Variants in LPP observed in about 807,000 individuals in gnomAD.
The protein encoded by LPP is LIM domain containing preferred translocation partner in lipoma.
LPP carries 38 observed loss-of-function variants against 60.4 expected under a neutral mutation model. The observed-to-expected ratio is 0.63, with a 90% CI of 0.49 to 0.83. The LOEUF (loss-of-function observed/expected upper bound fraction) is 0.83. Among genes scored for constraint, LPP ranks in the 40% least tolerant of loss-of-function variants. The pLI, the probability that LPP is intolerant of heterozygous loss-of-function variation, is 0.00. For synonymous variants in LPP, 328 were observed against 290.8 expected (o/e 1.13, Z -1.30); for missense variants, 902 against 783.6 (o/e 1.15, Z -1.80).
At position 188,608,158 on chromosome 3, in the gene LPP, CCT is replaced by C. The variant is rs545868635; in HGVS notation, c.430-1002_430-1001del. Among the ~76,000 whole-genome samples, 309 of 152,222 alleles carry C rather than the reference CCT, an allele frequency of 2.0e-3. 1 individual carries two copies. The highest frequency in any genetic ancestry group is 7.3e-3 in the African/African-American group (305 of 41,530). Reference sequence around the variant, plus strand: ...GAGATAAGAACAGACAAGGTGCACCCCTGTGTGTCTGCCTTCTCTCTTGGAGC... The same window carrying C: ...GAGATAAGAACAGACAAGGTGCACCCGTGTGTCTGCCTTCTCTCTTGGAGC... On this transcript the variant is annotated intron_variant, in intron 6 of 11. Coordinates refer to ENST00000617246, the MANE Select transcript of LPP (RefSeq NM_001375462.1).
chr3:188,468,831 C>G (rs951710959), intron 4 of LPP, among the ~76,000 whole-genome samples: 1 of 152,138 alleles, frequency 6.6e-6, no homozygotes, highest in Non-Finnish European at 1.5e-5. Flanking sequence ...ATCCTTTGCA[C>G]TCCAGAATGA....
At chr3:188,702,275 T>A (rs1343691917) in intron 7 of LPP, among the ~76,000 whole-genome samples, 1 of 151,836 alleles carries the variant, frequency 6.6e-6, no homozygotes, top group Non-Finnish European at 1.5e-5. Context: ...AACAGTTTTT[T>A]AGATATACAT....
chr3:188,409,438 T>C (rs1043642637), intron 4 of LPP, among the ~76,000 whole-genome samples: 2 of 152,250 alleles, frequency 1.3e-5, no homozygotes, highest in Admixed American at 1.3e-4. Context: ...TTGTTGGAAG[T>C]AGATTTGCTT....
At chr3:188,843,581 A>G (rs1288292168) in intron 9 of LPP, among the ~76,000 whole-genome samples, 2 of 151,300 alleles carry the variant, frequency 1.3e-5, no homozygotes, top group African/African-American at 4.9e-5. Flanking sequence ...AGGTCAGGAG[A>G]TCGAGACCAT....
At chr3:188,408,862 C>A (rs941145225) in intron 4 of LPP, among the ~76,000 whole-genome samples, 1 of 151,870 alleles carries the variant, frequency 6.6e-6, no homozygotes, top group South Asian at 2.1e-4. Flanking sequence ...ATCCAGCATG[C>A]GGTACTGCCT....
At chr3:188,414,195 T>C (rs6769348) in intron 4 of LPP, among the ~76,000 whole-genome samples, 140,873 of 151,992 alleles carry the variant, frequency 0.93, 66,192 homozygotes, top group Non-Finnish European at 1. Flanking sequence ...ATTTTATAAC[T>C]TTACATATAA....
intron 9 of LPP, among the ~76,000 whole-genome samples, chr3:188,812,783 CT>C (rs1751393148): frequency 6.6e-6 from 1 of 151,930 alleles, no homozygotes; most frequent in Non-Finnish European, 1.5e-5. Context: ...CCCTCTCTCT[CT>C]CTCTCTCTCT....
intron 7 of LPP, among the ~76,000 whole-genome samples, chr3:188,618,867 T>C (rs1845324650): frequency 6.6e-6 from 1 of 152,150 alleles, no homozygotes; most frequent in African/African-American, 2.4e-5. Context: ...ACAAGAAGGA[T>C]AAGGTGTAAG....
chr3:188,334,422 CTTTTTTTTTTT>C (rs71167095), intron 2 of LPP, among the ~76,000 whole-genome samples: 14 of 98,676 alleles, frequency 1.4e-4, no homozygotes, highest in South Asian at 3.5e-4. Context: ...ATATTTCTTT[CTTTTTTTTTTT>C]TTTTTTTTTG....
chr3:188,848,363 G>C (rs1761974655), intron 9 of LPP, among the ~76,000 whole-genome samples: 1 of 152,162 alleles, frequency 6.6e-6, no homozygotes, highest in African/African-American at 2.4e-5. Flanking sequence ...GCATGGAATG[G>C]GTCCCTCTCT....
chr3:188,509,873 G>GTTTTTTTTTTTTTTTTTTTTT (rs35389820), intron 5 of LPP, among the ~76,000 whole-genome samples: 2 of 111,044 alleles, frequency 1.8e-5, no homozygotes, highest in Non-Finnish European at 3.4e-5. Flanking sequence ...TTTTTTTGTT[G>GTTTTTTTTTTTTTTTTTTTTT]TTTTTTTTTT....
chr3:188,711,167 G>C (rs529889930), intron 8 of LPP: 4 of 152,158 alleles, frequency 2.6e-5, no homozygotes, highest in African/African-American at 9.7e-5. Context: ...ACAATAGAAC[G>C]TATGTCACTG....
intron 5 of LPP, among the ~76,000 whole-genome samples, chr3:188,492,632 G>A (rs1034024643): frequency 3.9e-5 from 6 of 152,096 alleles, no homozygotes; most frequent in Non-Finnish European, 8.8e-5. Flanking sequence ...GTAGACAGAG[G>A]CTGCAGTGAG....
intron 2 of LPP, among the ~76,000 whole-genome samples, chr3:188,318,373 T>C (rs1755730323): frequency 6.6e-6 from 1 of 151,074 alleles, no homozygotes; most frequent in Non-Finnish European, 1.5e-5. Context: ...TCAGTACCTT[T>C]GTTGAAGAGA....
At chr3:188,789,958 A>G (rs1743157200) in intron 9 of LPP, among the ~76,000 whole-genome samples, 3 of 152,210 alleles carry the variant, frequency 2.0e-5, no homozygotes, top group Admixed American at 2.0e-4. Flanking sequence ...TGGGCTTGTG[A>G]TAGGAGTACA....
chr3:188,183,455 C>T (rs1381364843), intron 1 of LPP, among the ~76,000 whole-genome samples: 1 of 152,116 alleles, frequency 6.6e-6, no homozygotes, highest in East Asian at 1.9e-4. Flanking sequence ...TTTTCACTGT[C>T]CCCTCTGTAT....
intron 4 of LPP, among the ~76,000 whole-genome samples, chr3:188,481,844 A>G (rs1804867946): frequency 6.6e-6 from 1 of 152,186 alleles, no homozygotes; most frequent in Non-Finnish European, 1.5e-5. Context: ...ATTTCCCATG[A>G]TGTAACAGAA....
At chr3:188,384,985 C>T (rs1218079203) in intron 3 of LPP, among the ~76,000 whole-genome samples, 1 of 151,518 alleles carries the variant, frequency 6.6e-6, no homozygotes, top group African/African-American at 2.4e-5. Flanking sequence ...CAGTACCCAG[C>T]CTTTCTTGTC....
intron 2 of LPP, among the ~76,000 whole-genome samples, chr3:188,268,538 G>A (rs761372131): frequency 9.2e-5 from 14 of 152,230 alleles, no homozygotes; most frequent in Non-Finnish European, 1.8e-4. Flanking sequence ...ATTTGAATAG[G>A]TTTGAACAGT....
Sources: allele counts gnomAD v4.1 joint callset (sites outside exome capture counted in the v4.1 genomes callset), GRCh38; gene constraint gnomAD v4.1.1; transcripts MANE v1.5; gene names NCBI Gene and HGNC (gene_info 2026-07-23, HGNC 2026-07-21).